EFCAB6: variants seen among roughly 807,000 people sequenced by gnomAD.
EFCAB6 encodes the protein EF-hand calcium binding domain 6.
EFCAB6 carries 156 observed loss-of-function variants against 169.8 expected under a neutral mutation model. The ratio of observed to expected loss-of-function variants is 0.92; its 90% CI spans 0.81 to 1.05. The LOEUF (loss-of-function observed/expected upper bound fraction) is 1.05. EFCAB6 is among the 50% of genes least tolerant of loss of function. The probability of loss-of-function intolerance (pLI) is 0.00; values close to 1 mark genes in which losing one functional copy is unlikely to be tolerated. For missense variants in EFCAB6, 1,800 were observed against 1,829.1 expected (o/e 0.98, Z 0.29); for synonymous variants, 698 against 676.4 (o/e 1.03, Z -0.50).
At chr22:43,752,116 A>ATTTTTT (rs33992120) in intron 6 of EFCAB6, among the ~76,000 whole-genome samples, 2 of 123,450 alleles carry the variant, frequency 1.6e-5, no homozygotes, top group African/African-American at 3.1e-5. Flanking sequence ...TCTCCTTTCC[A>ATTTTTT]TTTTTTTTTT....
At chr22:43,626,753 T>C (rs914758441) in intron 19 of EFCAB6, 74 bp from the exon 20 acceptor site, 3 of 1,397,012 alleles carry the variant, frequency 2.1e-6, no homozygotes, top group Admixed American at 3.6e-5. Context: ...CCCCCACGTG[T>C]AGAGCCTCAT....
Position 43,666,953 on chromosome 22 carries a change from C to CG in EFCAB6, c.1983+150_1983+151insC, listed in dbSNP as rs2057289675. 3.0e-6 allele frequency: 3 copies of CG among 992,750 alleles called. No individual in the cohort carries two copies. In the South Asian group the frequency reaches 7.2e-5, roughly 24 times the overall value. The allele number at this position is 992,750 out of a possible 1,614,324, so 61.5% of individuals were successfully genotyped here. A position where few individuals can be genotyped will look rare whatever the true frequency, so the allele number is the denominator to read the frequency against. On this transcript the variant is annotated intron_variant, in intron 17 of 31. Transcript: ENST00000262726. ...AAATGTGCCAATGACAATTTTTTGG[C>CG]CAAAAAAAAAAATCCTTTTAAATTG...
intron 2 of EFCAB6, among the ~76,000 whole-genome samples, chr22:43,806,555 A>G (rs2062930580): frequency 6.6e-6 from 1 of 152,142 alleles, no homozygotes; most frequent in African/African-American, 2.4e-5. Context: ...CTGAAATTCA[A>G]ACTCTTAATT....
At chr22:43,614,057 G>A (rs1409299868) in intron 21 of EFCAB6, among the ~76,000 whole-genome samples, 1 of 151,402 alleles carries the variant, frequency 6.6e-6, no homozygotes, top group Non-Finnish European at 1.5e-5. Flanking sequence ...TGGATAGGAA[G>A]GCTCAATAGC....
At chr22:43,615,974 T>TAAATTTA in intron 20 of EFCAB6, 52 bp from the exon 21 acceptor site, 1 of 1,476,310 alleles carries the variant, frequency 6.8e-7, no homozygotes, top group Non-Finnish European at 9.2e-7. Context: ...ATGGGCTCAT[T>TAAATTTA]AATCTCCCAA....
intron 2 of EFCAB6, among the ~76,000 whole-genome samples, chr22:43,791,310 T>C (rs1603378242): frequency 6.6e-6 from 1 of 150,748 alleles, no homozygotes; most frequent in Non-Finnish European, 1.5e-5. Flanking sequence ...CAGGTGGAGG[T>C]TGCAGTGAGC....
At chr22:43,559,550 GA>G (rs1435794933) in intron 26 of EFCAB6, among the ~76,000 whole-genome samples, 4 of 152,136 alleles carry the variant, frequency 2.6e-5, no homozygotes, top group Non-Finnish European at 5.9e-5. Flanking sequence ...CTACTATAAA[GA>G]CACATACACA....
intron 4 of EFCAB6, among the ~76,000 whole-genome samples, chr22:43,770,280 C>G (rs1051362146): frequency 1.3e-5 from 2 of 152,154 alleles, no homozygotes; most frequent in African/African-American, 4.8e-5. Flanking sequence ...GGATTACAGG[C>G]GTGAACCACC....
intron 27 of EFCAB6, among the ~76,000 whole-genome samples, chr22:43,551,350 C>A (rs1232448328): frequency 6.6e-6 from 1 of 152,168 alleles, no homozygotes; most frequent in Admixed American, 6.5e-5. Flanking sequence ...CTAATCATCC[C>A]CCAATGTATT....
intron 6 of EFCAB6, among the ~76,000 whole-genome samples, chr22:43,741,954 A>T (rs995790832): frequency 1.3e-5 from 2 of 152,038 alleles, no homozygotes; most frequent in Non-Finnish European, 2.9e-5. Context: ...TGGCGGGAGG[A>T]GTACTCAGAG....
chr22:43,556,323 A>T (rs1333858135), intron 26 of EFCAB6, among the ~76,000 whole-genome samples: 1 of 152,196 alleles, frequency 6.6e-6, no homozygotes, highest in African/African-American at 2.4e-5. Flanking sequence ...CTGCATCAAC[A>T]GGGCAGCCCG....
chr22:43,766,595 A>C (rs2061333230), intron 4 of EFCAB6, among the ~76,000 whole-genome samples: 2 of 151,816 alleles, frequency 1.3e-5, no homozygotes, highest in Non-Finnish European at 2.9e-5. Context: ...GCTCACTGCA[A>C]ACTCTGCCTC....
intron 17 of EFCAB6, among the ~76,000 whole-genome samples, chr22:43,639,674 G>A (rs1002542431): frequency 3.9e-5 from 6 of 151,990 alleles, no homozygotes; most frequent in Admixed American, 1.3e-4. Context: ...ATCTATATTA[G>A]GGCTTTTCAC....
At chr22:43,747,581 T>C (rs756979137) in intron 6 of EFCAB6, among the ~76,000 whole-genome samples, 8 of 152,192 alleles carry the variant, frequency 5.3e-5, no homozygotes, top group Non-Finnish European at 1.0e-4. Context: ...CAGTGCACAC[T>C]CAGCTGGGAG....
chr22:43,759,453 A>T (rs5764274), intron 5 of EFCAB6: 12,605 of 152,244 alleles, frequency 0.083, 663 homozygotes, highest in South Asian at 0.2. Context: ...GCATCGTACC[A>T]AGTGCCACAC....
chr22:43,554,117 C>T (rs548079273), intron 27 of EFCAB6: 1 of 152,416 alleles, frequency 6.6e-6, no homozygotes, highest in Non-Finnish European at 1.5e-5. Flanking sequence ...TTCTTTGGAC[C>T]ATGTGGAGTC....
intron 15 of EFCAB6, among the ~76,000 whole-genome samples, chr22:43,671,257 G>A (rs1317489770): frequency 2.6e-5 from 4 of 151,962 alleles, no homozygotes; most frequent in African/African-American, 9.7e-5. Flanking sequence ...GCTGGAGTGC[G>A]ATGGGGCAAT....
Position 43,672,008 on chromosome 22 carries a change from G to A in EFCAB6, c.1605C>T (p.Val535=). 6.2e-7 allele frequency: 1 copy of A among 1,614,102 alleles called. No homozygotes were observed. The highest frequency in any genetic ancestry group is 8.5e-7 in the Non-Finnish European group (1 of 1,179,996). The stretch of plus-strand genomic sequence containing the variant: ...GTGCATTCGTTAAAAATGGACAGAA[G>A]ACGTGCATGATTTTCTTGAAATTAT... ...GRNNFKKIMH[V]FCPFLTNAHF... The change falls in exon 15 of 32, where the codon GTC becomes GTT. Residue 535 remains valine, a synonymous_variant. Transcript: ENST00000262726.
At chr22:43,659,448 C>A (rs2056902116) in intron 17 of EFCAB6, among the ~76,000 whole-genome samples, 1 of 152,140 alleles carries the variant, frequency 6.6e-6, no homozygotes, top group Non-Finnish European at 1.5e-5. Context: ...CACTTGAACC[C>A]AGGTGTTTGT....
Sources: gnomAD v4.1 joint callset for allele counts (sites outside exome capture counted in the v4.1 genomes callset) on GRCh38, gnomAD v4.1.1 for gene constraint, MANE v1.5 for transcripts, NCBI Gene and HGNC (gene_info 2026-07-23, HGNC 2026-07-21) for gene names.